Variants in ATP2B3 observed in about 807,000 individuals in gnomAD.
ATP2B3 encodes the protein plasma membrane calcium-transporting ATPase 3.
In ATP2B3, 12 loss-of-function variants were observed where a neutral mutation model predicts 70.8. The ratio of observed to expected loss-of-function variants is 0.17; its 90% CI spans 0.11 to 0.27. The LOEUF (loss-of-function observed/expected upper bound fraction) is 0.27. Among genes scored for constraint, ATP2B3 ranks in the 10% least tolerant of loss-of-function variants. The probability of loss-of-function intolerance (pLI) is 1.00; values close to 1 mark genes in which losing one functional copy is unlikely to be tolerated. For synonymous variants in ATP2B3, 460 were observed against 497.8 expected (o/e 0.92, Z 1.01); for missense variants, 858 against 1,118.5 (o/e 0.77, Z 3.32).
At chrX:153,534,087 C>T (rs1240805604) in intron 2 of ATP2B3, among the ~76,000 whole-genome samples, 1 of 112,022 alleles carries the variant, frequency 8.9e-6, no homozygotes, top group African/African-American at 3.2e-5. Flanking sequence ...GACAGTGGCA[C>T]AAAGTTGCTA....
At chrX:153,555,950 C>CTCTCACCTCTACTCA in intron 13 of ATP2B3, 99 bp from the exon 14 acceptor site, 2 of 1,021,053 alleles carry the variant, frequency 2.0e-6, no homozygotes, top group Admixed American at 4.5e-5. Context: ...CTCTGCTGGA[C>CTCTCACCTCTACTCA]CTTGGGCCAC....
At chrX:153,552,734 CA>C (rs782784387) in intron 12 of ATP2B3, among the ~76,000 whole-genome samples, 1 of 112,474 alleles carries the variant, frequency 8.9e-6, no homozygotes, top group Admixed American at 9.3e-5. Context: ...GCCGGAAGTC[CA>C]AAAGCAGGGC....
Position 153,541,396 on chromosome X carries a change from G to A in ATP2B3, c.246G>A (p.Arg82=). The A allele has an allele frequency of 8.3e-7, 1 of 1,211,962 alleles. No homozygotes were observed. Among genetic ancestry groups the A allele is most frequent in the Non-Finnish European group, 1.1e-6 (1 of 895,570 alleles). Residue 82 remains arginine, a synonymous_variant, in exon 4 of 22, where the codon AGG becomes AGA. Transcript: ENST00000263519. ...ADNTNDLEKR[R]QIYGQNFIPP... is the part of the protein sequence containing the mutation. Reference sequence around the variant, plus strand: ...ACACCAATGACCTGGAGAAGCGCAGGCAGATCTACGGGCAGAACTTCATCC... The same window carrying A: ...ACACCAATGACCTGGAGAAGCGCAGACAGATCTACGGGCAGAACTTCATCC...
chrX:153,531,031 C>T (rs1272045040), intron 2 of ATP2B3, among the ~76,000 whole-genome samples: 1 of 112,203 alleles, frequency 8.9e-6, no homozygotes, highest in Non-Finnish European at 1.9e-5. Context: ...CCTTGGAACC[C>T]TCCTTTCCCC....
intron 21 of ATP2B3, chrX:153,569,853 G>A (rs782230701): frequency 9.3e-6 from 9 of 971,494 alleles, no homozygotes; most frequent in Admixed American, 5.0e-5. Context: ...CTTGCATTCC[G>A]CTCACCGTGG....
At chrX:153,546,007 C>G in intron 7 of ATP2B3, 81 bp from the exon 8 acceptor site, 1 of 1,116,354 alleles carries the variant, frequency 9.0e-7, no homozygotes, top group African/African-American at 1.8e-5. Context: ...AATCAGGCCC[C>G]TCCTCCCCAC....
intron 2 of ATP2B3, among the ~76,000 whole-genome samples, chrX:153,526,697 A>G (rs1175486305): frequency 3.6e-5 from 4 of 111,597 alleles, no homozygotes; most frequent in Non-Finnish European, 5.7e-5. Context: ...ATTTGGCAGC[A>G]GGCATCCTGC....
intron 2 of ATP2B3, among the ~76,000 whole-genome samples, chrX:153,535,833 C>T (rs1206822669): frequency 8.9e-6 from 1 of 112,322 alleles, no homozygotes; most frequent in African/African-American, 3.2e-5. Flanking sequence ...CTCCAGCTAG[C>T]TAGTGTTAAC....
intron 20 of ATP2B3, 66 bp from the exon 21 acceptor site, chrX:153,564,855 G>A: frequency 9.5e-7 from 1 of 1,051,224 alleles, no homozygotes; most frequent in Non-Finnish European, 1.3e-6. Flanking sequence ...CTCTGGAGAG[G>A]GACCTTACAC....
At chrX:153,521,461 G>A (rs1556997806) in intron 2 of ATP2B3, among the ~76,000 whole-genome samples, 7 of 113,002 alleles carry the variant, frequency 6.2e-5, no homozygotes, top group Non-Finnish European at 1.9e-5. Flanking sequence ...ACTTGAATCA[G>A]AGCAACAAGG....
chrX:153,559,627 G>A, intron 17 of ATP2B3, 102 bp from the exon 18 acceptor site: 1 of 675,094 alleles, frequency 1.5e-6, no homozygotes, highest in African/African-American at 2.1e-5. Context: ...TGAAATCCTG[G>A]TGATGTGGAC....
rs149409206 is a variant in ATP2B3, at chrX:153,568,634, G to A, written c.3342+3531G>A. On this transcript the variant is annotated intron_variant, in intron 21 of 21. Transcript: ENST00000263519. Reference sequence around the variant, plus strand: ...AGCAAGCGAGTGGGATGTGCTGGGCGGAAGGGGACTGGGCAGGCTGAGAAG... The same window carrying A: ...AGCAAGCGAGTGGGATGTGCTGGGCAGAAGGGGACTGGGCAGGCTGAGAAG... 4.0e-4 allele frequency among the ~76,000 whole-genome samples: 45 copies of A among 112,240 alleles called. No individual in the cohort carries two copies. The East Asian group carries it at 9.0e-3, about 22-fold the overall frequency.
At chrX:153,548,921 G>T (rs782343447) in intron 10 of ATP2B3, 67 bp downstream of exon 10, 3 of 1,047,132 alleles carry the variant, frequency 2.9e-6, no homozygotes, top group Non-Finnish European at 3.9e-6. Context: ...GTCATTGGGC[G>T]CCTTGGTGGC....
chrX:153,576,237 G>A (rs1482256276), intron 21 of ATP2B3, among the ~76,000 whole-genome samples: 1 of 111,337 alleles, frequency 9.0e-6, no homozygotes, highest in Non-Finnish European at 1.9e-5. Flanking sequence ...GGGACAGGAA[G>A]GATGGAGGGC....
chrX:153,537,973 C>T lies in ATP2B3; in HGVS notation c.208+1518C>T, dbSNP rs187853835. Among the ~76,000 whole-genome samples, 310 of 112,764 alleles carry T rather than the reference C, an allele frequency of 2.7e-3. 3 individuals are homozygous for T. Among genetic ancestry groups the T allele is most frequent in the Non-Finnish European group, 1.3e-3 (67 of 53,245 alleles). ...CACAGGTGGGTGGCTTGGCCTCTGACGGGCTTCCAAGCACCTGGGTCCCCA... is the reference window on the plus strand; with the variant it reads ...CACAGGTGGGTGGCTTGGCCTCTGATGGGCTTCCAAGCACCTGGGTCCCCA... On this transcript the variant is annotated intron_variant, in intron 3 of 21. Transcript: ENST00000263519.
At position 153,558,314 on chromosome X, in the gene ATP2B3, G is replaced by C. The variant is rs1557014840; in HGVS notation, c.2625+11G>C. Reference sequence around the variant, plus strand: ...GCCTGCATTACTCAGGTGGGTACTGGGGGCTGCCATGCCCCAGCTAGGACA... The same window carrying C: ...GCCTGCATTACTCAGGTGGGTACTGCGGGCTGCCATGCCCCAGCTAGGACA... On this transcript the variant is annotated intron_variant, in intron 17 of 21. Transcript: ENST00000263519. 1 of 1,196,029 alleles carries C rather than the reference G, an allele frequency of 8.4e-7. No individual in the cohort carries two copies. Among genetic ancestry groups the C allele is most frequent in the Admixed American group, 2.2e-5 (1 of 44,854 alleles).
chrX:153,549,933 C>G (rs1314797000), intron 11 of ATP2B3, 112 bp from the exon 12 acceptor site: 9 of 1,118,773 alleles, frequency 8.0e-6, no homozygotes, highest in Non-Finnish European at 1.1e-5. Flanking sequence ...TGCTCCCTGC[C>G]GCCCACACCC....
chrX:153,524,752 C>G (rs2090006635), intron 2 of ATP2B3, among the ~76,000 whole-genome samples: 1 of 111,452 alleles, frequency 9.0e-6, no homozygotes, highest in South Asian at 3.8e-4. Context: ...GCTTTTGCCT[C>G]TTGTACCTGG....
chrX:153,531,278 A>G (rs782710814), intron 2 of ATP2B3, among the ~76,000 whole-genome samples: 1 of 113,121 alleles, frequency 8.8e-6, no homozygotes, highest in East Asian at 2.8e-4. Context: ...CCTGCTCCCC[A>G]GCTGGTCTAG....
Sources: allele counts gnomAD v4.1 joint callset (sites outside exome capture counted in the v4.1 genomes callset), GRCh38; gene constraint gnomAD v4.1.1; transcripts MANE v1.5; gene names NCBI Gene and HGNC (gene_info 2026-07-23, HGNC 2026-07-21).